KTN1: variants seen among roughly 807,000 people sequenced by gnomAD.
The protein encoded by KTN1 is kinectin.
A neutral mutation model predicts 222.5 loss-of-function variants in KTN1; 130 were observed. The ratio of observed to expected loss-of-function variants is 0.58; its 90% CI spans 0.51 to 0.68. The LOEUF (loss-of-function observed/expected upper bound fraction) is 0.68, where lower values mean the gene tolerates loss of function less well. Among genes scored for constraint, KTN1 ranks in the 30% least tolerant of loss-of-function variants. The pLI is 0.00. For synonymous variants in KTN1, 512 were observed against 496.3 expected, an observed-to-expected ratio of 1.03 and a Z score of -0.42; for missense variants, 1,508 against 1,500.4, an observed-to-expected ratio of 1.01 and a Z score of -0.08.
chr14:55,602,585 CTTT>C (rs565184612), intron 1 of KTN1, among the ~76,000 whole-genome samples: 1 of 144,510 alleles, frequency 6.9e-6, no homozygotes, highest in Admixed American at 6.9e-5. Flanking sequence ...TCAACACTGT[CTTT>C]TTTTTTTTTT....
intron 18 of KTN1, 128 bp downstream of exon 18, chr14:55,641,888 T>A (rs933339300): frequency 1.4e-5 from 9 of 659,524 alleles, no homozygotes. Flanking sequence ...TTATTGCCTT[T>A]CTATTCATCC....
chr14:55,626,204 TTAAC>T (rs1443155649), intron 5 of KTN1, among the ~76,000 whole-genome samples: 3 of 150,594 alleles, frequency 2.0e-5, no homozygotes, highest in Non-Finnish European at 3.0e-5. Context: ...TTTCATATCT[TTAAC>T]AAAAAAAAAA....
intron 18 of KTN1, among the ~76,000 whole-genome samples, chr14:55,645,035 G>C (rs941793739): frequency 6.6e-6 from 1 of 152,134 alleles, no homozygotes; most frequent in African/African-American, 2.4e-5. Context: ...TATGGAGATA[G>C]ATATGTTAAA....
rs1207194084 is a variant in KTN1, at chr14:55,612,968, G to A, written c.523+397G>A. 2.0e-5 allele frequency among the ~76,000 whole-genome samples: 3 copies of A among 151,716 alleles called. No individual in the cohort carries two copies. In the East Asian group the frequency reaches 5.8e-4, roughly 29 times the overall value. On this transcript the variant is annotated intron_variant, in intron 2 of 43. Transcript: ENST00000395314. Reference sequence around the variant, plus strand: ...TGGCTATTTTACTTAAAACCACTTAGGACCTGTAAATATCAGCAGTTACGA... The same window carrying A: ...TGGCTATTTTACTTAAAACCACTTAAGACCTGTAAATATCAGCAGTTACGA...
At position 55,612,143 on chromosome 14, in the gene KTN1, CATT is replaced by C. The variant is rs2037669598; in HGVS notation, c.98_100del (p.Leu33del). On this transcript the variant is annotated inframe_deletion, in exon 2 of 44. Coordinates refer to ENST00000395314, the MANE Select transcript of KTN1 (RefSeq NM_001079521.2). ...TTCTTCTGGCTTTTCATGAAAGAAA[CATT>C]ATATGATGAAGTTCTTGCAAAACAG... 1.3e-6 allele frequency: 2 copies of C among 1,575,742 alleles called. No homozygotes were observed. The highest frequency in any genetic ancestry group is 2.8e-5 in the African/African-American group (2 of 72,278).
chr14:55,681,692 G>C (rs1166242889), intron 43 of KTN1: 1 of 152,104 alleles, frequency 6.6e-6, no homozygotes, highest in African/African-American at 2.4e-5. Context: ...TTGGCAAGTG[G>C]GTGGTTGACA....
At chr14:55,658,440 A>G in intron 29 of KTN1, 106 bp from the exon 30 acceptor site, 2 of 702,276 alleles carry the variant, frequency 2.8e-6, no homozygotes, top group Non-Finnish European at 5.1e-6. Flanking sequence ...AATTATTGCT[A>G]TTTTGGAATT....
At position 55,612,030 on chromosome 14, in the gene KTN1, T is replaced by G. The variant is rs2037656352; in HGVS notation, c.-19T>G. 2 of 1,373,832 alleles carry G rather than the reference T, an allele frequency of 1.5e-6. No homozygotes were observed. The highest frequency in any genetic ancestry group is 1.9e-6 in the Non-Finnish European group (2 of 1,046,340). The allele number at this position is 1,373,832 out of a possible 1,614,324, so 85.1% of individuals were successfully genotyped here. A position where few individuals can be genotyped will look rare whatever the true frequency, so the allele number is the denominator to read the frequency against. On this transcript the variant is annotated 5_prime_UTR_variant, in exon 2 of 44. Coordinates refer to ENST00000395314, the MANE Select transcript of KTN1 (RefSeq NM_001079521.2). Reference sequence around the variant, plus strand: ...TCTTCCCTATTTAGGTTTTATAGGATCACATTGACAAAAGTACCATGGAGT... The same window carrying G: ...TCTTCCCTATTTAGGTTTTATAGGAGCACATTGACAAAAGTACCATGGAGT...
At chr14:55,618,980 G>A (rs1391353798) in intron 4 of KTN1, among the ~76,000 whole-genome samples, 1 of 152,104 alleles carries the variant, frequency 6.6e-6, no homozygotes, top group Non-Finnish European at 1.5e-5. Context: ...TTTAGCTAAT[G>A]TAATTATTCC....
chr14:55,639,602 A>C (rs1340735987), intron 13 of KTN1, among the ~76,000 whole-genome samples: 2 of 151,772 alleles, frequency 1.3e-5, no homozygotes, highest in Non-Finnish European at 3.0e-5. Context: ...AAACAAAGTT[A>C]TATGCTTTTT....
At chr14:55,641,054 A>T (rs957340276) in intron 16 of KTN1, 73 bp from the exon 17 acceptor site, 8 of 1,468,570 alleles carry the variant, frequency 5.4e-6, no homozygotes, top group Admixed American at 1.7e-5. Context: ...CTTATAACTG[A>T]TAGTTGTGCC....
intron 42 of KTN1, 63 bp from the exon 43 acceptor site, chr14:55,679,502 G>T: frequency 2.9e-6 from 4 of 1,372,582 alleles, no homozygotes; most frequent in Admixed American, 2.2e-5. Flanking sequence ...ATTTTCTGTT[G>T]TTTGGTTTTA....
chr14:55,595,262 T>C (rs1244834354), intron 1 of KTN1, among the ~76,000 whole-genome samples: 1 of 152,118 alleles, frequency 6.6e-6, no homozygotes, highest in African/African-American at 2.4e-5. Flanking sequence ...TAGAATATTT[T>C]GTGTGTGCTT....
At chr14:55,667,671 T>C (rs2044962253) in intron 34 of KTN1, 1 of 160,928 alleles carries the variant, frequency 6.2e-6, no homozygotes. Context: ...TTCTTAGTTT[T>C]AGCAACACTT....
chr14:55,637,187 T>C lies in KTN1; in HGVS notation c.1550-11T>C. The C allele has an allele frequency of 6.3e-7, 1 of 1,579,900 alleles. No individual in the cohort carries two copies. On this transcript the variant is annotated splice_polypyrimidine_tract_variant and intron_variant, in intron 10 of 43. Transcript: ENST00000395314. ...AAAGAGACCTCTGTAAAATGTAATGTTTTATTACAGATTTACAGAGTAAAT... is the reference window on the plus strand; with the variant it reads ...AAAGAGACCTCTGTAAAATGTAATGCTTTATTACAGATTTACAGAGTAAAT...
At chr14:55,615,318 G>GA (rs2038186585) in intron 2 of KTN1, among the ~76,000 whole-genome samples, 1 of 152,036 alleles carries the variant, frequency 6.6e-6, no homozygotes, top group Admixed American at 6.6e-5. Context: ...TTTTCCAAAT[G>GA]AAACTCTGTA....
At chr14:55,593,173 C>G (rs918395366) in intron 1 of KTN1, among the ~76,000 whole-genome samples, 1 of 151,288 alleles carries the variant, frequency 6.6e-6, no homozygotes. Flanking sequence ...GTTTGGCAAC[C>G]CTTTTGCTAC....
chr14:55,675,900 A>G lies in KTN1; in HGVS notation c.3837A>G (p.Val1279=), dbSNP rs751254762. 1 of 1,613,046 alleles carries G rather than the reference A, an allele frequency of 6.2e-7. No homozygotes were observed. The highest frequency in any genetic ancestry group is 2.2e-5 in the East Asian group (1 of 44,810). ...CTGAACAAAATGAAAGACAGAAGGT[A>G]GCTGGTGATTTGCATAAGGTAGGCA... ...LRTEQNERQK[V]AGDLHKAQQS... The change falls in exon 41 of 44, where the codon GTA becomes GTG. Residue 1279 remains valine, a synonymous_variant. Transcript: ENST00000395314.
chr14:55,605,401 T>TA (rs1346535889), intron 1 of KTN1, among the ~76,000 whole-genome samples: 1 of 152,204 alleles, frequency 6.6e-6, no homozygotes, highest in Non-Finnish European at 1.5e-5. Flanking sequence ...CGTGTTCTGT[T>TA]ATTTTGCGTT....
Sources: allele counts gnomAD v4.1 joint callset (sites outside exome capture counted in the v4.1 genomes callset), GRCh38; gene constraint gnomAD v4.1.1; transcripts MANE v1.5; gene names NCBI Gene and HGNC (gene_info 2026-07-23, HGNC 2026-07-21).